The following GRIA4 variants were observed in gnomAD, a reference collection of about 807,000 sequenced individuals.
GRIA4 encodes glutamate receptor 4.
GRIA4 carries 34 observed loss-of-function variants against 104.0 expected under a neutral mutation model. The ratio of observed to expected loss-of-function variants is 0.33; its 90% CI spans 0.25 to 0.44. The LOEUF (loss-of-function observed/expected upper bound fraction) is 0.44, where lower values mean the gene tolerates loss of function less well. GRIA4 is among the 20% of genes least tolerant of loss of function. The pLI is 1.00. For missense variants in GRIA4, 750 were observed against 1,096.5 expected (o/e 0.68, Z 4.46); for synonymous variants, 386 against 381.9 (o/e 1.01, Z -0.13).
rs1012609679 is a variant in GRIA4, at chr11:105,690,070, T to A, written c.248-62911T>A. 3.9e-5 allele frequency among the ~76,000 whole-genome samples: 6 copies of A among 152,238 alleles called. No homozygotes were observed. The South Asian group carries it at 8.3e-4, about 21-fold the overall frequency. On this transcript the variant is annotated intron_variant, in intron 3 of 16. Transcript: ENST00000282499. ...GTCCTGGCAGGATCCAAGAATCATTTGATTTCATTTTCCCTTAGTGTCTAT... is the reference window on the plus strand; with the variant it reads ...GTCCTGGCAGGATCCAAGAATCATTAGATTTCATTTTCCCTTAGTGTCTAT...
intron 4 of GRIA4, among the ~76,000 whole-genome samples, chr11:105,809,344 C>A (rs1345157435): frequency 6.6e-6 from 1 of 152,080 alleles, no homozygotes; most frequent in Non-Finnish European, 1.5e-5. Context: ...AAACACTTAT[C>A]ATTTATTTGT....
At chr11:105,952,107 G>A (rs1325503343) in intron 14 of GRIA4, among the ~76,000 whole-genome samples, 2 of 152,136 alleles carry the variant, frequency 1.3e-5, no homozygotes, top group East Asian at 3.8e-4. Context: ...GAGCCACCAG[G>A]TGTCATAGAA....
At chr11:105,974,486 G>A in intron 16 of GRIA4, 42 bp downstream of exon 16, 1 of 1,613,766 alleles carries the variant, frequency 6.2e-7, no homozygotes, top group Non-Finnish European at 8.5e-7. Flanking sequence ...CTTCCTCGCA[G>A]AATACCCAGA....
chr11:105,851,086 G>T (rs567446410), intron 4 of GRIA4, among the ~76,000 whole-genome samples: 10 of 152,028 alleles, frequency 6.6e-5, no homozygotes, highest in Non-Finnish European at 1.2e-4. Context: ...CTAACACCAT[G>T]CCAATAAAGC....
chr11:105,737,578 TCA>T (rs1258809472), intron 3 of GRIA4, among the ~76,000 whole-genome samples: 8 of 152,184 alleles, frequency 5.3e-5, no homozygotes, highest in Non-Finnish European at 1.2e-4. Context: ...CAGCAAAAAC[TCA>T]GTTTGCTTTA....
intron 4 of GRIA4, among the ~76,000 whole-genome samples, chr11:105,760,531 A>C (rs1331673805): frequency 6.6e-5 from 10 of 152,148 alleles, no homozygotes; most frequent in Non-Finnish European, 1.5e-5. Context: ...TTTTGTAGCA[A>C]GGTTATATTG....
intron 9 of GRIA4, among the ~76,000 whole-genome samples, chr11:105,906,390 T>C (rs1433961736): frequency 6.6e-6 from 1 of 152,036 alleles, no homozygotes; most frequent in Non-Finnish European, 1.5e-5. Context: ...GAAGGCTGCA[T>C]GGAGGAGGTG....
chr11:105,958,207 C>T (rs545246061), intron 14 of GRIA4, among the ~76,000 whole-genome samples: 18 of 152,240 alleles, frequency 1.2e-4, no homozygotes, highest in East Asian at 9.7e-4. Context: ...AAAGGGAATG[C>T]TTCCAGTTTT....
intron 3 of GRIA4, among the ~76,000 whole-genome samples, chr11:105,643,088 A>G (rs1951418287): frequency 6.6e-6 from 1 of 152,146 alleles, no homozygotes; most frequent in South Asian, 2.1e-4. Flanking sequence ...GCATGGGGAA[A>G]CCACTCCCAT....
chr11:105,627,364 C>A (rs946366490), intron 3 of GRIA4, among the ~76,000 whole-genome samples: 1 of 151,858 alleles, frequency 6.6e-6, no homozygotes. Flanking sequence ...CAGGGAGGGG[C>A]CTTGTAAACT....
In GRIA4 at chr11:105,681,511, T is replaced by G. The variant is rs114092543; in HGVS notation, c.247+69077T>G. Among the ~76,000 whole-genome samples the G allele has an allele frequency of 6.8e-3, 1,029 of 152,318 alleles. 14 individuals are homozygous for G. The highest frequency in any genetic ancestry group is 0.023 in the African/African-American group (966 of 41,564). ...AAAACGTAAGCTCCATAAGATCAAGTGTTTTGGTTCATGATTAAATCTCAG... is the reference window on the plus strand; with the variant it reads ...AAAACGTAAGCTCCATAAGATCAAGGGTTTTGGTTCATGATTAAATCTCAG... On this transcript the variant is annotated intron_variant, in intron 3 of 16. Transcript: ENST00000282499.
intron 3 of GRIA4, among the ~76,000 whole-genome samples, chr11:105,674,344 GA>G (rs1952468083): frequency 6.6e-6 from 1 of 151,700 alleles, no homozygotes. Context: ...AGTTGCAGGG[GA>G]GGGGTGATTT....
chr11:105,796,348 T>C (rs879921836), intron 4 of GRIA4, among the ~76,000 whole-genome samples: 8 of 152,196 alleles, frequency 5.3e-5, no homozygotes, highest in Non-Finnish European at 1.0e-4. Flanking sequence ...ATCTGAAACA[T>C]GATACAACTT....
intron 9 of GRIA4, among the ~76,000 whole-genome samples, chr11:105,905,904 G>A (rs1445892139): frequency 1.3e-5 from 2 of 152,010 alleles, no homozygotes; most frequent in Admixed American, 6.6e-5. Context: ...GTATAGGAGC[G>A]GTCTTCCCAG....
chr11:105,757,197 C>G lies in GRIA4; in HGVS notation c.487+3977C>G, dbSNP rs116243596. Reference sequence around the variant, plus strand: ...TTGGATTAGAAAGTGGAGAAATGAACTGAGGGGTAAGTGAACGTGGATAAA... The same window carrying G: ...TTGGATTAGAAAGTGGAGAAATGAAGTGAGGGGTAAGTGAACGTGGATAAA... On this transcript the variant is annotated intron_variant, in intron 4 of 16. Transcript: ENST00000282499. Among the ~76,000 whole-genome samples, 1,444 of 152,164 alleles carry G rather than the reference C, an allele frequency of 9.5e-3. 29 individuals are homozygous for G. Among genetic ancestry groups the G allele is most frequent in the African/African-American group, 0.033 (1,376 of 41,514 alleles).
At position 105,979,622 on chromosome 11, in the gene GRIA4, T is replaced by C. The variant is rs1859174097; in HGVS notation, c.2592T>C (p.Thr864=). The C allele has an allele frequency of 6.2e-7, 1 of 1,613,972 alleles. No homozygotes were observed. Among genetic ancestry groups the C allele is most frequent in the Non-Finnish European group, 8.5e-7 (1 of 1,179,830 alleles). ...GAAACAAAGCCAGATTATCCATCAC[T>C]GGGAGTGTGGGAGAGAATGGCCGCG... ...AIRNKARLSI[T]GSVGENGRVL... The change falls in exon 17 of 17, where the codon ACT becomes ACC. Residue 864 remains threonine, a synonymous_variant. Transcript: ENST00000282499.
At chr11:105,643,402 A>C (rs929660385) in intron 3 of GRIA4, among the ~76,000 whole-genome samples, 1 of 152,216 alleles carries the variant, frequency 6.6e-6, no homozygotes, top group Non-Finnish European at 1.5e-5. Context: ...ATTGTCATCT[A>C]TCAATTGTCA....
chr11:105,857,529 A>G (rs1188855875), intron 4 of GRIA4, among the ~76,000 whole-genome samples: 1 of 152,114 alleles, frequency 6.6e-6, no homozygotes, highest in African/African-American at 2.4e-5. Flanking sequence ...AGTTCCCATA[A>G]TCTAGATGTT....
chr11:105,859,329 T>C (rs1178756180), intron 4 of GRIA4, among the ~76,000 whole-genome samples: 2 of 152,204 alleles, frequency 1.3e-5, no homozygotes, highest in African/African-American at 4.8e-5. Flanking sequence ...TTTCTGACTA[T>C]GATTAATGGG....
Sources: gnomAD v4.1 joint callset for allele counts (sites outside exome capture counted in the v4.1 genomes callset) on GRCh38, gnomAD v4.1.1 for gene constraint, MANE v1.5 for transcripts, NCBI Gene and HGNC (gene_info 2026-07-23, HGNC 2026-07-21) for gene names.